The following RBL2 variants were observed in gnomAD, a reference collection of about 807,000 sequenced individuals.
The protein encoded by RBL2 is RB transcriptional corepressor like 2, also known as retinoblastoma-like protein 2.
RBL2 carries 56 observed loss-of-function variants against 126.0 expected under a neutral mutation model. That is an observed-to-expected ratio of 0.44 (90% CI 0.36 to 0.56). The LOEUF is 0.56. Ranked by LOEUF, RBL2 falls within the 20% of genes least tolerant of loss-of-function variation. The pLI is 0.00. For synonymous variants in RBL2, 454 were observed against 478.5 expected, an observed-to-expected ratio of 0.95 and a Z score of 0.67; for missense variants, 1,229 against 1,398.2, an observed-to-expected ratio of 0.88 and a Z score of 1.93.
Position 53,470,028 on chromosome 16 carries a change from G to A in RBL2, c.2088G>A (p.Gly696=), listed in dbSNP as rs2058306803. ...GCCCCTCTGATGGAGGGACGCCTGGGCGCATGCCCCCACAGCCCCTAGTCA... is the reference window on the plus strand; with the variant it reads ...GCCCCTCTGATGGAGGGACGCCTGGACGCATGCCCCCACAGCCCCTAGTCA... The part of the protein sequence containing the change: ...NDSPSDGGTP[G]RMPPQPLVNA... Residue 696 remains glycine (G), a synonymous_variant, in exon 15 of 22, where the codon GGG becomes GGA. Coordinates refer to ENST00000262133, the MANE Select transcript of RBL2 (RefSeq NM_005611.4). 6.2e-7 allele frequency: 1 copy of A among 1,614,222 alleles called. No individual in the cohort carries two copies. The highest frequency in any genetic ancestry group is 1.7e-5 in the Admixed American group (1 of 60,034).
intron 2 of RBL2, 89 bp from the exon 3 acceptor site, chr16:53,442,569 C>T (rs944015753): frequency 2.7e-5 from 25 of 937,130 alleles, no homozygotes; most frequent in South Asian, 1.7e-4. Context: ...TAATTTAATG[C>T]GATAATATTG....
chr16:53,478,937 A>G (rs1011382122), intron 17 of RBL2: 77 of 510,580 alleles, frequency 1.5e-4, no homozygotes, highest in South Asian at 9.8e-4. Flanking sequence ...GTCTTGATTC[A>G]CATACTATAG....
At chr16:53,451,650 A>C in intron 4 of RBL2, 53 bp from the exon 5 acceptor site, 1 of 1,565,562 alleles carries the variant, frequency 6.4e-7, no homozygotes, top group Non-Finnish European at 8.7e-7. Context: ...ATTTTTTAAA[A>C]ATGTTACAAA....
intron 3 of RBL2, 47 bp from the exon 4 acceptor site, chr16:53,446,995 T>C: frequency 8.6e-7 from 1 of 1,168,282 alleles, no homozygotes. Context: ...GATTTTTTTT[T>C]CTGATTCTTC....
Position 53,442,786 on chromosome 16 carries a change from A to G in RBL2, c.500A>G (p.Glu167Gly), listed in dbSNP as rs1351796026. 1 of 1,613,272 alleles carries G rather than the reference A, an allele frequency of 6.2e-7. No homozygotes were observed. The highest frequency in any genetic ancestry group is 1.3e-5 in the African/African-American group (1 of 74,918). The change falls in exon 3 of 22, where the codon GAA becomes GGA. Residue 167 changes from glutamate (E) to glycine (G), a missense_variant. Around this residue, in one of 2 missense-constraint regions of RBL2, gnomAD observed 1,070 missense variants for 1,274.3 expected, o/e 0.84. Coordinates refer to ENST00000262133, the MANE Select transcript of RBL2 (RefSeq NM_005611.4). ...TVSAVIFKKY[E>G]PIFQDIFKYP... is the part of the protein sequence containing the mutation. ...TCTGCTGTAATTTTTAAGAAATATG[A>G]ACCCATTTTTCAGGACATCTTTAAA...
intron 21 of RBL2, chr16:53,489,752 A>G (rs1961331814): frequency 6.4e-6 from 1 of 157,112 alleles, no homozygotes; most frequent in African/African-American, 2.4e-5. Flanking sequence ...GGAATATTGT[A>G]TAAAGTTGTA....
intron 2 of RBL2, among the ~76,000 whole-genome samples, chr16:53,439,980 A>T (rs922452668): frequency 2.1e-5 from 3 of 144,246 alleles, no homozygotes; most frequent in Non-Finnish European, 4.5e-5. Flanking sequence ...AAAAAAAAAG[A>T]AGGTTACTAT....
intron 11 of RBL2, 24 bp from the exon 12 acceptor site, chr16:53,464,202 A>C (rs1469878163): frequency 6.7e-7 from 1 of 1,500,756 alleles, no homozygotes; most frequent in Non-Finnish European, 9.0e-7. Context: ...AAATGTTTCT[A>C]ATGCTAATAA....
chr16:53,455,673 G>C (rs932391027), intron 8 of RBL2, among the ~76,000 whole-genome samples: 3 of 152,128 alleles, frequency 2.0e-5, no homozygotes, highest in African/African-American at 7.2e-5. Context: ...TGGGATGGGT[G>C]GGCTGTGGTA....
intron 17 of RBL2, among the ~76,000 whole-genome samples, chr16:53,476,092 G>C (rs953389390): frequency 6.6e-5 from 10 of 151,928 alleles, no homozygotes; most frequent in African/African-American, 2.4e-4. Context: ...CCAAAGTGCT[G>C]GGATTACAGG....
chr16:53,465,752 C>A, intron 13 of RBL2, 150 bp downstream of exon 13: 1 of 556,866 alleles, frequency 1.8e-6, no homozygotes, highest in Non-Finnish European at 2.8e-6. Context: ...ACGTCCCTCT[C>A]TACCCACAAA....
At chr16:53,471,017 T>G (rs1468900871) in intron 17 of RBL2, 95 bp downstream of exon 17, 1 of 1,283,880 alleles carries the variant, frequency 7.8e-7, no homozygotes, top group East Asian at 2.3e-5. Context: ...ACATGCTCTA[T>G]AATTCACCTA....
rs1444035551 is a variant in RBL2, at chr16:53,470,855, G to A, written c.2636G>A (p.Cys879Tyr). 3 of 1,614,040 alleles carry A rather than the reference G, an allele frequency of 1.9e-6. No homozygotes were observed. Among genetic ancestry groups the A allele is most frequent in the Non-Finnish European group, 2.5e-6 (3 of 1,180,016 alleles). Residue 879 changes from cysteine to tyrosine, a missense_variant, in exon 17 of 22, where the codon TGT (cysteine) becomes TAT (tyrosine). Cys to Tyr is a radical substitution (Grantham distance 194). Coordinates refer to ENST00000262133, the MANE Select transcript of RBL2 (RefSeq NM_005611.4). The stretch of plus-strand genomic sequence containing the variant: ...TGCTTTGAATTCTCCATAATTCAGT[G>A]TCCTGAACTTATGATGGACAGACAT... ...WTCFEFSIIQ[C>Y]PELMMDRHLD...
intron 3 of RBL2, among the ~76,000 whole-genome samples, chr16:53,443,067 A>G (rs1020698535): frequency 6.6e-6 from 1 of 151,768 alleles, no homozygotes. Flanking sequence ...AAATGTATAC[A>G]GGTCTTTGTT....
chr16:53,464,373 A>C lies in RBL2; in HGVS notation c.1698+10A>C, dbSNP rs888517466. ...TTATCATTTTTATAAGGTATTTTTA[A>C]AAATATGATACTAATGGGGATATTG... On this transcript the variant is annotated intron_variant, in intron 12 of 21. Transcript: ENST00000262133. 1.9e-5 allele frequency: 29 copies of C among 1,547,842 alleles called. No individual in the cohort carries two copies. The highest frequency in any genetic ancestry group is 2.5e-5 in the Non-Finnish European group (28 of 1,126,000).
At chr16:53,480,543 C>A in intron 19 of RBL2, 24 bp from the exon 20 acceptor site, 2 of 1,596,216 alleles carry the variant, frequency 1.3e-6, no homozygotes, top group Non-Finnish European at 1.7e-6. Flanking sequence ...TTTGTACTGA[C>A]AGCCTTTGTT....
chr16:53,462,920 A>G (rs575992793), intron 11 of RBL2, among the ~76,000 whole-genome samples: 2 of 152,182 alleles, frequency 1.3e-5, no homozygotes, highest in African/African-American at 2.4e-5. Context: ...GGCTCAATGC[A>G]ACCTCCGCCT....
Position 53,470,554 on chromosome 16 carries a change from C to G in RBL2, c.2417C>G (p.Ala806Gly). 2.5e-6 allele frequency: 4 copies of G among 1,614,112 alleles called. No homozygotes were observed. Among genetic ancestry groups the G allele is most frequent in the African/African-American group, 1.3e-5 (1 of 75,026 alleles). ...GTTLQVPGQV[A>G]IQQISPGGQQ... The stretch of plus-strand genomic sequence containing the variant: ...ACTTTGCAAGTCCCTGGTCAAGTGG[C>G]CATTCAACAGATTTCCCCAGGTGGC... Residue 806 changes from alanine (A) to glycine (G), a missense_variant, in exon 16 of 22, where the codon GCC (alanine) becomes GGC (glycine). Physicochemically the swap from Ala to Gly is moderately conservative, Grantham distance 60. This residue lies in a region of RBL2 where 1,070 missense variants were observed against 1,274.3 expected (regional missense o/e 0.84). Coordinates refer to ENST00000262133, the MANE Select transcript of RBL2 (RefSeq NM_005611.4).
At chr16:53,458,142 A>G (rs1359842652) in intron 8 of RBL2, among the ~76,000 whole-genome samples, 1 of 152,090 alleles carries the variant, frequency 6.6e-6, no homozygotes, top group Non-Finnish European at 1.5e-5. Context: ...TAGAGAAAAC[A>G]TGTAGGTTTG....
Sources: gnomAD v4.1 joint callset for allele counts (sites outside exome capture counted in the v4.1 genomes callset) on GRCh38, gnomAD v4.1.1 for gene constraint, gnomAD v4.1.1 regional missense constraint, MANE v1.5 for transcripts, NCBI Gene and HGNC (gene_info 2026-07-23, HGNC 2026-07-21) for gene names.